Variants in IL4I1 observed in about 807,000 individuals in gnomAD.
IL4I1 encodes the protein L-amino-acid oxidase.
A neutral mutation model predicts 29.7 loss-of-function variants in IL4I1; 24 were observed. That is an observed-to-expected ratio of 0.81 (90% CI 0.59 to 1.14). The LOEUF (loss-of-function observed/expected upper bound fraction) is 1.14. Among genes scored for constraint, IL4I1 ranks in the 50% most tolerant of loss-of-function variants. The probability of loss-of-function intolerance (pLI) is 0.00; values close to 1 mark genes in which losing one functional copy is unlikely to be tolerated. For synonymous variants in IL4I1, 371 were observed against 352.5 expected, an observed-to-expected ratio of 1.05 and a Z score of -0.59; for missense variants, 686 against 785.6, an observed-to-expected ratio of 0.87 and a Z score of 1.52.
At chr19:49,915,158 G>T (rs189341788) in intron 2 of IL4I1, among the ~76,000 whole-genome samples, 4 of 152,134 alleles carry the variant, frequency 2.6e-5, no homozygotes, top group East Asian at 3.9e-4. Flanking sequence ...CTATGTGTGT[G>T]GGGGGGTAGA....
chr19:49,909,826 C>CTCAT (rs1568702555), intron 2 of IL4I1: 1 of 1,613,090 alleles, frequency 6.2e-7, no homozygotes, highest in East Asian at 2.2e-5. Flanking sequence ...ACTCTGGTGG[C>CTCAT]GGCAGCTACT....
chr19:49,900,771 G>A (rs1190924278), upstream of IL4I1, among the ~76,000 whole-genome samples: 3 of 152,230 alleles, frequency 2.0e-5, no homozygotes, highest in Non-Finnish European at 2.9e-5. Context: ...ACTTCAGCTG[G>A]TTTGGGGGTA....
intron 2 of IL4I1, chr19:49,908,200 A>G (rs1423869890): frequency 2.5e-6 from 4 of 1,607,036 alleles, no homozygotes; most frequent in Admixed American, 3.4e-5. Context: ...TCCCCTCATG[A>G]ACTCCCTAGG....
At chr19:49,908,416 G>A (rs767067886) in intron 2 of IL4I1, 50 of 1,613,990 alleles carry the variant, frequency 3.1e-5, no homozygotes, top group Non-Finnish European at 3.6e-5. Context: ...TGGTGTCGGC[G>A]GGGGCCCCGG....
At chr19:49,913,005 CAA>C (rs869238166) in intron 2 of IL4I1, 2 of 130,912 alleles carry the variant, frequency 1.5e-5, no homozygotes, top group Non-Finnish European at 3.6e-5. Flanking sequence ...CAGCCAGAGT[CAA>C]ATGTCAGCTC....
At position 49,908,762 on chromosome 19, in the gene IL4I1, C is replaced by T. The variant is rs146828187; in HGVS notation, c.-227-4441G>A. On this transcript the variant is annotated intron_variant, in intron 2 of 9. Transcript: ENST00000341114. ...CTGGGTGGCCTGCTGGAGGAAGTGCCGCTCCTGGTCCTCTAGCTCCAGGCT... is the reference window on the plus strand; with the variant it reads ...CTGGGTGGCCTGCTGGAGGAAGTGCTGCTCCTGGTCCTCTAGCTCCAGGCT... 32 of 1,613,592 alleles carry T rather than the reference C, an allele frequency of 2.0e-5. No individual in the cohort carries two copies. Among genetic ancestry groups the T allele is most frequent in the South Asian group, 4.4e-5 (4 of 91,086 alleles).
Position 49,896,119 on chromosome 19 carries a change from G to A in IL4I1, c.13+29C>T, listed in dbSNP as rs762282982. 3.3e-6 allele frequency: 5 copies of A among 1,535,984 alleles called. No homozygotes were observed. The African/African-American group carries it at 7.0e-5, about 21-fold the overall frequency. Reference sequence around the variant, plus strand: ...CGGGGGAGAGGGGTTCTACTCACTTGTTCCAGAGCCCCTCCCCTGCTTACT... The same window carrying A: ...CGGGGGAGAGGGGTTCTACTCACTTATTCCAGAGCCCCTCCCCTGCTTACT... On this transcript the variant is annotated intron_variant, in intron 2 of 7. Transcript: ENST00000391826.
chr19:49,905,823 G>C (rs73594179), intron 2 of IL4I1, among the ~76,000 whole-genome samples: 11,026 of 152,144 alleles, frequency 0.072, 758 homozygotes, highest in East Asian at 0.29. Context: ...TGCTGGTCTC[G>C]AACTCCTGAC....
intron 2 of IL4I1, among the ~76,000 whole-genome samples, chr19:49,912,513 A>G (rs1382333090): frequency 6.6e-6 from 1 of 152,112 alleles, no homozygotes; most frequent in African/African-American, 2.4e-5. Context: ...TCCAATACTC[A>G]GGTGCCAGGG....
At chr19:49,922,502 GCA>G (rs2075789688) in intron 2 of IL4I1, among the ~76,000 whole-genome samples, 2 of 151,876 alleles carry the variant, frequency 1.3e-5, no homozygotes. Flanking sequence ...GTAAAGTCCA[GCA>G]CAGAGGGGAC....
chr19:49,920,066 CAT>C lies in IL4I1; in HGVS notation c.-228+7626_-228+7627del, dbSNP rs201638406. On this transcript the variant is annotated intron_variant, in intron 2 of 9. Transcript: ENST00000341114. ...AGCCTCCCTAATAGCTGGGATTACACATGTGTGCCACCACACCAGCTAATTTT... is the reference window on the plus strand; with the variant it reads ...AGCCTCCCTAATAGCTGGGATTACACGTGTGCCACCACACCAGCTAATTTT... Among the ~76,000 whole-genome samples the C allele has an allele frequency of 8.7e-3, 1,318 of 152,120 alleles. 18 individuals are homozygous for C. The highest frequency in any genetic ancestry group is 0.03 in the African/African-American group (1,245 of 41,470).
At chr19:49,924,426 T>C (rs1338645754) in intron 2 of IL4I1, among the ~76,000 whole-genome samples, 1 of 152,078 alleles carries the variant, frequency 6.6e-6, no homozygotes, top group Non-Finnish European at 1.5e-5. Context: ...TTGCCAGGTG[T>C]GCTGGGGTCC....
intron 2 of IL4I1, among the ~76,000 whole-genome samples, chr19:49,920,709 C>T (rs943384528): frequency 6.6e-6 from 1 of 152,214 alleles, no homozygotes; most frequent in East Asian, 1.9e-4. Flanking sequence ...TGGTTGAGAA[C>T]AGGCTGGGGA....
intron 3 of IL4I1, among the ~76,000 whole-genome samples, chr19:49,895,442 G>A (rs1045943907): frequency 1.3e-5 from 2 of 152,164 alleles, no homozygotes; most frequent in African/African-American, 4.8e-5. Flanking sequence ...ATGCGTAGAA[G>A]CCCCTGGGCT....
At position 49,894,268 on chromosome 19, in the gene IL4I1, C is replaced by A; in HGVS notation, c.567G>T (p.Gln189His). 6.2e-7 allele frequency: 1 copy of A among 1,613,210 alleles called. No individual in the cohort carries two copies. Residue 189 changes from glutamine to histidine, a missense_variant and splice_region_variant, in exon 5 of 8, where the codon CAG becomes CAT. Gln to His is a conservative substitution (Grantham distance 24). Transcript: ENST00000391826. ...GGAGGAGGGTGCAGGCGGTACCCAC[C>A]TGGTTGAGAGCCATCTGGTAGATGT... Reference protein sequence around the residue: ...PEDIYQMALNQALKDLKALGC... With the variant: ...PEDIYQMALNHALKDLKALGC...
chr19:49,899,182 G>A (rs996279493), upstream of IL4I1, among the ~76,000 whole-genome samples: 14 of 152,238 alleles, frequency 9.2e-5, no homozygotes, highest in Non-Finnish European at 4.4e-5. Flanking sequence ...CAGTCCTACA[G>A]CCGCATAACA....
chr19:49,921,691 G>C lies in IL4I1; in HGVS notation c.-228+6003C>G, dbSNP rs1296389572. 1.3e-5 allele frequency among the ~76,000 whole-genome samples: 2 copies of C among 152,186 alleles called. No individual in the cohort carries two copies. Among genetic ancestry groups the C allele is most frequent in the African/African-American group, 4.8e-5 (2 of 41,442 alleles). ...GGGGTACCCCTCTGCCCATTGAGGGGGCACCTAGGGAGCCTAGGGGTCCCG... is the reference window on the plus strand; with the variant it reads ...GGGGTACCCCTCTGCCCATTGAGGGCGCACCTAGGGAGCCTAGGGGTCCCG... On this transcript the variant is annotated intron_variant, in intron 2 of 9. Transcript: ENST00000341114. The surrounding 1 kb of genome is among the most constrained non-coding windows in gnomAD (Gnocchi z 5.4).
chr19:49,908,881 G>A lies in IL4I1; in HGVS notation c.-227-4560C>T, dbSNP rs770537676. On this transcript the variant is annotated intron_variant, in intron 2 of 9. Transcript: ENST00000341114. The stretch of plus-strand genomic sequence containing the variant: ...CGCCAGGGCCAGGTGGAGCGGTCAC[G>A]GCAGCTGCTGTATTGCTGGGGATCC... 7.5e-6 allele frequency: 12 copies of A among 1,610,234 alleles called. No homozygotes were observed. Among genetic ancestry groups the A allele is most frequent in the South Asian group, 1.1e-5 (1 of 91,044 alleles).
chr19:49,899,806 C>T (rs1249384920), upstream of IL4I1, among the ~76,000 whole-genome samples: 2 of 152,176 alleles, frequency 1.3e-5, no homozygotes, highest in African/African-American at 2.4e-5. Context: ...CTGCCCGCCT[C>T]GGCCTCCCAA....
Sources: allele counts gnomAD v4.1 joint callset (sites outside exome capture counted in the v4.1 genomes callset), GRCh38; gene constraint gnomAD v4.1.1; non-coding constraint Gnocchi (gnomAD v3.1); transcripts MANE v1.5; gene names NCBI Gene and HGNC (gene_info 2026-07-23, HGNC 2026-07-21).